Variants in CCDC73 observed in about 807,000 individuals in gnomAD.
CCDC73 encodes the protein coiled-coil domain-containing protein 73.
Under a neutral mutation model 116.5 loss-of-function variants are expected in CCDC73, and 95 were observed. The ratio of observed to expected loss-of-function variants is 0.82; its 90% CI spans 0.69 to 0.97. The LOEUF is 0.97. Among genes scored for constraint, CCDC73 ranks in the 50% least tolerant of loss-of-function variants. The pLI, the probability that CCDC73 is intolerant of heterozygous loss-of-function variation, is 0.00. For missense variants in CCDC73, 1,066 were observed against 1,206.8 expected (o/e 0.88, Z 1.73); for synonymous variants, 398 against 401.3 (o/e 0.99, Z 0.10).
At chr11:32,759,402 C>T (rs982978370) in intron 2 of CCDC73, among the ~76,000 whole-genome samples, 39 of 146,206 alleles carry the variant, frequency 2.7e-4, no homozygotes, top group African/African-American at 9.8e-4. Context: ...GTGATCTTGG[C>T]TCACTGCAAC....
At chr11:32,621,222 C>A (rs1370450184) in intron 14 of CCDC73, among the ~76,000 whole-genome samples, 3 of 152,130 alleles carry the variant, frequency 2.0e-5, no homozygotes, top group African/African-American at 7.2e-5. Flanking sequence ...CAAGACAATC[C>A]TAAGCAAAAA....
intron 2 of CCDC73, among the ~76,000 whole-genome samples, chr11:32,756,744 C>A (rs1193897173): frequency 6.6e-6 from 1 of 151,840 alleles, no homozygotes. Flanking sequence ...TGTTTTAATT[C>A]CACTTTTTTA....
chr11:32,736,731 AT>A (rs1169369209), intron 2 of CCDC73, among the ~76,000 whole-genome samples: 1 of 151,926 alleles, frequency 6.6e-6, no homozygotes, highest in Non-Finnish European at 1.5e-5. Context: ...TTGCGGCACT[AT>A]TCACAATAGC....
the CCDC73 span, among the ~76,000 whole-genome samples, chr11:32,822,543 A>G: frequency 1.1e-4 from 17 of 152,316 alleles, no homozygotes; most frequent in Middle Eastern, 3.4e-3. Flanking sequence ...TAATTCATTC[A>G]GTAAGTATTA....
intron 9 of CCDC73, among the ~76,000 whole-genome samples, chr11:32,674,447 T>C (rs1437555119): frequency 6.6e-6 from 1 of 152,176 alleles, no homozygotes; most frequent in Non-Finnish European, 1.5e-5. Context: ...ATATTTTTAG[T>C]TGCAAATCAT....
chr11:32,750,018 C>T (rs1049113063), intron 2 of CCDC73, among the ~76,000 whole-genome samples: 4 of 146,074 alleles, frequency 2.7e-5, no homozygotes, highest in East Asian at 4.2e-4. Flanking sequence ...TTACAGGCAC[C>T]GACCACTACG....
At chr11:32,772,650 A>G (rs1246839952) in intron 1 of CCDC73, among the ~76,000 whole-genome samples, 2 of 152,214 alleles carry the variant, frequency 1.3e-5, no homozygotes, top group Admixed American at 1.3e-4. Context: ...CAGGTTCAGG[A>G]AAGAGAGGTA....
chr11:32,739,034 T>C (rs1482130460), intron 2 of CCDC73, among the ~76,000 whole-genome samples: 3 of 152,142 alleles, frequency 2.0e-5, no homozygotes, highest in African/African-American at 7.2e-5. Context: ...GGTTCTCTAT[T>C]CTGTTGCATT....
chr11:32,668,498 T>C (rs1659881344), intron 9 of CCDC73, among the ~76,000 whole-genome samples: 1 of 151,420 alleles, frequency 6.6e-6, no homozygotes, highest in Non-Finnish European at 1.5e-5. Flanking sequence ...AATATAAAAG[T>C]TGATAAAATC....
At chr11:32,797,009 CAAA>C (rs1163144111), upstream of CCDC73, among the ~76,000 whole-genome samples, 2,000 of 74,540 alleles carry the variant, frequency 0.027, 22 homozygotes, top group African/African-American at 0.1. Flanking sequence ...GAGACTGCCT[CAAA>C]AAAAAAAAAA....
intron 3 of CCDC73, among the ~76,000 whole-genome samples, chr11:32,713,312 A>G (rs1849917949): frequency 2.6e-5 from 4 of 152,160 alleles, no homozygotes; most frequent in Non-Finnish European, 1.5e-5. Context: ...CCAAGACATT[A>G]GAGAGTTAAC....
chr11:32,687,730 A>G (rs1489264975), intron 6 of CCDC73, among the ~76,000 whole-genome samples: 1 of 152,118 alleles, frequency 6.6e-6, no homozygotes, highest in East Asian at 1.9e-4. Context: ...GAACAATGAC[A>G]CTCCAACAGC....
intron 14 of CCDC73, among the ~76,000 whole-genome samples, chr11:32,624,052 G>C (rs1467582194): frequency 1.3e-5 from 2 of 151,910 alleles, no homozygotes; most frequent in Non-Finnish European, 2.9e-5. Context: ...TTATAAGTGA[G>C]AGGGCCGGGC....
upstream of CCDC73, among the ~76,000 whole-genome samples, chr11:32,798,552 TGCCTTG>T (rs983340952): frequency 2.0e-5 from 3 of 152,222 alleles, no homozygotes; most frequent in African/African-American, 7.2e-5. Flanking sequence ...GTGATCCTCC[TGCCTTG>T]GCCTCCCAAA....
chr11:32,685,969 C>T (rs1856195608), intron 6 of CCDC73, among the ~76,000 whole-genome samples: 1 of 151,904 alleles, frequency 6.6e-6, no homozygotes, highest in African/African-American at 2.4e-5. Flanking sequence ...ATCTGCCTGC[C>T]TCAGCCTCCC....
intron 6 of CCDC73, among the ~76,000 whole-genome samples, chr11:32,698,992 T>G (rs1057099427): frequency 6.6e-6 from 1 of 152,022 alleles, no homozygotes; most frequent in African/African-American, 2.4e-5. Context: ...TCCTTATGTG[T>G]AAAATGTTAA....
At chr11:32,617,246 T>G (rs114994802) in intron 14 of CCDC73, among the ~76,000 whole-genome samples, 164 of 152,088 alleles carry the variant, frequency 1.1e-3, no homozygotes, top group African/African-American at 3.7e-3. Context: ...AAACAAGGAA[T>G]GAATAATGTG....
intron 2 of CCDC73, among the ~76,000 whole-genome samples, chr11:32,741,679 CT>C (rs1850188327): frequency 6.6e-6 from 1 of 151,494 alleles, no homozygotes; most frequent in Admixed American, 6.6e-5. Flanking sequence ...TTTATATATA[CT>C]TTAAATTCTG....
the CCDC73 span, among the ~76,000 whole-genome samples, chr11:32,809,506 A>G: frequency 3.9e-5 from 6 of 152,314 alleles, no homozygotes; most frequent in Middle Eastern, 3.4e-3. Flanking sequence ...ATCTGTGTCA[A>G]TCCCTGAGTT....
Sources: gnomAD v4.1 joint callset for allele counts (sites outside exome capture counted in the v4.1 genomes callset) on GRCh38, gnomAD v4.1.1 for gene constraint, MANE v1.5 for transcripts, NCBI Gene and HGNC (gene_info 2026-07-23, HGNC 2026-07-21) for gene names.